Variants in TMEM245 observed in about 807,000 individuals in gnomAD.
TMEM245 encodes the protein protein CG-2.
A neutral mutation model predicts 101.2 loss-of-function variants in TMEM245; 69 were observed. The ratio of observed to expected loss-of-function variants is 0.68; its 90% CI spans 0.56 to 0.83. TMEM245 has a LOEUF of 0.83. Ranked by LOEUF, TMEM245 falls within the 40% of genes least tolerant of loss-of-function variation. The pLI is 0.00. For missense variants in TMEM245, 1,075 were observed against 1,092.8 expected (o/e 0.98, Z 0.23); for synonymous variants, 537 against 449.8 (o/e 1.19, Z -2.45).
intron 1 of TMEM245, among the ~76,000 whole-genome samples, chr9:109,112,764 G>C (rs1327147214): frequency 2.0e-5 from 3 of 152,156 alleles, no homozygotes. Context: ...CATCTGAATA[G>C]TGGGAATAGT....
chr9:109,025,380 T>G (rs1243000804), intron 17 of TMEM245, among the ~76,000 whole-genome samples: 1 of 152,164 alleles, frequency 6.6e-6, no homozygotes, highest in African/African-American at 2.4e-5. Flanking sequence ...GGATACTCAT[T>G]TTTGATTGTA....
chr9:109,040,031 T>C (rs752977173), intron 14 of TMEM245, among the ~76,000 whole-genome samples: 1 of 152,176 alleles, frequency 6.6e-6, no homozygotes, highest in Non-Finnish European at 1.5e-5. Context: ...TAACCAAGGC[T>C]CAATCCAGTA....
At chr9:109,088,053 T>C (rs559757566) in intron 5 of TMEM245, among the ~76,000 whole-genome samples, 2 of 152,180 alleles carry the variant, frequency 1.3e-5, no homozygotes, top group African/African-American at 2.4e-5. Context: ...AAGCTTCCTG[T>C]TAGAAGCCAA....
Position 109,033,514 on chromosome 9 carries a change from G to C in TMEM245, c.2400-13C>G. 1 of 1,574,190 alleles carries C rather than the reference G, an allele frequency of 6.4e-7. No homozygotes were observed. Among genetic ancestry groups the C allele is most frequent in the Non-Finnish European group, 8.6e-7 (1 of 1,161,520 alleles). Reference sequence around the variant, plus strand: ...AGGATGGCCACCTCTGGAATAAAGAGCACGACCTTTAACACACAAAAACTG... The same window carrying C: ...AGGATGGCCACCTCTGGAATAAAGACCACGACCTTTAACACACAAAAACTG... On this transcript the variant is annotated splice_polypyrimidine_tract_variant and intron_variant, in intron 16 of 17. Coordinates refer to ENST00000374586, the MANE Select transcript of TMEM245 (RefSeq NM_032012.4).
chr9:109,026,754 C>A (rs1001623736), intron 17 of TMEM245, among the ~76,000 whole-genome samples: 4 of 151,546 alleles, frequency 2.6e-5, no homozygotes, highest in Non-Finnish European at 5.9e-5. Flanking sequence ...GTTTGGGCCA[C>A]AGGAGCAGAT....
intron 12 of TMEM245, among the ~76,000 whole-genome samples, chr9:109,056,239 G>GC (rs1301380635): frequency 2.0e-5 from 3 of 152,060 alleles, no homozygotes; most frequent in Non-Finnish European, 2.9e-5. Context: ...GGGCACTGCT[G>GC]TTTATTAAAA....
rs1290839848 is a variant in TMEM245, at chr9:109,016,654, GTGTGTTT to G, written c.*3799_*3805del. ...ACCAAACAGTGGCTGCAGACAGCAT[GTGTGTTT>G]TTTTTTTTTTTTTTTTTTGCAGGTT... is the stretch of plus-strand genomic sequence containing the variant. On this transcript the variant is annotated 3_prime_UTR_variant, in exon 18 of 18. Transcript: ENST00000374586. The G allele has an allele frequency of 1.2e-5, 1 of 85,250 alleles. No homozygotes were observed. Among genetic ancestry groups the G allele is most frequent in the Non-Finnish European group, 2.1e-5 (1 of 48,778 alleles). The allele number at this position is 85,250 out of a possible 1,614,324, so 5.3% of individuals were successfully genotyped here.
intron 17 of TMEM245, among the ~76,000 whole-genome samples, chr9:109,024,609 T>C (rs1827741310): frequency 6.6e-6 from 1 of 152,024 alleles, no homozygotes; most frequent in African/African-American, 2.4e-5. Flanking sequence ...TAGTTCAGAG[T>C]TTCAGTAATG....
intron 4 of TMEM245, among the ~76,000 whole-genome samples, chr9:109,091,877 ATATAC>A (rs764706871): frequency 7.9e-5 from 12 of 152,180 alleles, no homozygotes; most frequent in Non-Finnish European, 1.2e-4. Context: ...ATTACTCTAT[ATATAC>A]TATAATAATG....
intron 3 of TMEM245, among the ~76,000 whole-genome samples, chr9:109,100,474 C>T (rs1258392743): frequency 6.6e-6 from 1 of 152,152 alleles, no homozygotes; most frequent in Non-Finnish European, 1.5e-5. Flanking sequence ...TAGATGCACA[C>T]TACCACACCC....
At chr9:109,035,174 A>G (rs1211397275) in intron 16 of TMEM245, among the ~76,000 whole-genome samples, 1 of 151,656 alleles carries the variant, frequency 6.6e-6, no homozygotes, top group Non-Finnish European at 1.5e-5. Flanking sequence ...AAAAAAAAAA[A>G]AAAAAAAGAC....
chr9:109,021,172 C>G (rs1827610272), intron 17 of TMEM245, among the ~76,000 whole-genome samples: 1 of 152,214 alleles, frequency 6.6e-6, no homozygotes, highest in Non-Finnish European at 1.5e-5. Flanking sequence ...ACTGTAGTAG[C>G]TAGCTTGCTT....
chr9:109,046,969 T>A (rs565123890), intron 14 of TMEM245, among the ~76,000 whole-genome samples: 1 of 152,192 alleles, frequency 6.6e-6, no homozygotes, highest in South Asian at 2.1e-4. Context: ...AGTCTTGAAT[T>A]TGAGCCAGTA....
At position 109,036,305 on chromosome 9, in the gene TMEM245, C is replaced by A; in HGVS notation, c.2300G>T (p.Trp767Leu). ...WAAVPAVLDL[W>L]LTQGLGCKAI... is the part of the protein sequence containing the mutation. ...CTTGCATCCTAACCCTTGTGTCAGC[C>A]ACAGGTCAAGAACTGCAGGTACTGC... Residue 767 changes from tryptophan to leucine, a missense_variant, in exon 16 of 18, where the codon TGG becomes TTG. Transcript: ENST00000374586. 1 of 1,613,918 alleles carries A rather than the reference C, an allele frequency of 6.2e-7. No homozygotes were observed. The highest frequency in any genetic ancestry group is 1.7e-5 in the Admixed American group (1 of 59,952).
Position 109,108,441 on chromosome 9 carries a change from G to A in TMEM245, c.697+12C>T, listed in dbSNP as rs55890841. The A allele has an allele frequency of 0.07, 57,364 of 819,336 alleles. 1,971 individuals carry two copies. Among genetic ancestry groups the A allele is most frequent in the Admixed American group, 0.19 (5,008 of 26,604 alleles). The allele number at this position is 819,336 out of a possible 1,614,324, so 50.8% of individuals were successfully genotyped here. ...GACTTAAAAAAAAAAAAAAAAAAAA[G>A]AAGGAACCCACCTAAATGAAAAAGC... On this transcript the variant is annotated intron_variant, in intron 2 of 17. Coordinates refer to ENST00000374586, the MANE Select transcript of TMEM245 (RefSeq NM_032012.4).
chr9:109,049,456 C>T (rs1051180410), intron 14 of TMEM245, among the ~76,000 whole-genome samples: 1 of 152,180 alleles, frequency 6.6e-6, no homozygotes, highest in African/African-American at 2.4e-5. Context: ...TCGAACAATC[C>T]TCCTGCCTCA....
At chr9:109,022,805 G>C (rs1827670662) in intron 17 of TMEM245, among the ~76,000 whole-genome samples, 1 of 152,162 alleles carries the variant, frequency 6.6e-6, no homozygotes, top group Non-Finnish European at 1.5e-5. Flanking sequence ...ATCTTTGCAA[G>C]CAATAGTCAA....
At position 109,119,887 on chromosome 9, in the gene TMEM245, G is replaced by C. The variant is rs12001627; in HGVS notation, c.27C>G (p.Asp9Glu). The C allele has an allele frequency of 0.44, 565,659 of 1,288,964 alleles. 125,957 individuals carry two copies. Among genetic ancestry groups the C allele is most frequent in the Non-Finnish European group, 0.46 (466,547 of 1,025,260 alleles). The allele number at this position is 1,288,964 out of a possible 1,614,324, so 79.8% of individuals were successfully genotyped here. A position where few individuals can be genotyped will look rare whatever the true frequency, so the allele number is the denominator to read the frequency against. The change falls in exon 1 of 18, where the codon GAC becomes GAG. Residue 9 changes from aspartate to glutamate, a missense_variant. This residue lies in a region of TMEM245 where 808 missense variants were observed against 741.5 expected (regional missense o/e 1.09). Coordinates refer to ENST00000374586, the MANE Select transcript of TMEM245 (RefSeq NM_032012.4). MADGGGPK[D>E]APSLRSSPGP... ...CGGGAGAGCTCCGCAGGCTTGGCGC[G>C]TCCTTAGGGCCGCCGCCGTCGGCCA... is the stretch of plus-strand genomic sequence containing the variant.
chr9:109,032,694 T>A (rs1827997644), intron 17 of TMEM245, among the ~76,000 whole-genome samples: 1 of 151,926 alleles, frequency 6.6e-6, no homozygotes, highest in South Asian at 2.1e-4. Flanking sequence ...CTGGCCTGGT[T>A]GTCCATTTCT....
Sources: allele counts gnomAD v4.1 joint callset (sites outside exome capture counted in the v4.1 genomes callset), GRCh38; gene constraint gnomAD v4.1.1; regional missense constraint gnomAD v4.1.1; transcripts MANE v1.5; gene names NCBI Gene and HGNC (gene_info 2026-07-23, HGNC 2026-07-21).